The following JAK1 variants were observed in gnomAD, a reference collection of about 807,000 sequenced individuals.
The protein encoded by JAK1 is Janus kinase 1.
A neutral mutation model predicts 136.6 loss-of-function variants in JAK1; 16 were observed. The ratio of observed to expected loss-of-function variants is 0.12; its 90% CI spans 0.08 to 0.18. JAK1 has a LOEUF of 0.18. Ranked by LOEUF, JAK1 falls within the 10% of genes least tolerant of loss-of-function variation. JAK1 has a pLI of 1.00. For missense variants in JAK1, 859 were observed against 1,450.1 expected, an observed-to-expected ratio of 0.59 and a Z score of 6.62; for synonymous variants, 492 against 519.5, an observed-to-expected ratio of 0.95 and a Z score of 0.72.
intron 2 of JAK1, among the ~76,000 whole-genome samples, chr1:65,025,753 C>T (rs1380586466): frequency 6.6e-6 from 1 of 152,198 alleles, no homozygotes. Context: ...TCACAGCTCA[C>T]TGTAGCCTCG....
At chr1:64,888,967 T>G (rs888335204) in intron 1 of JAK1, among the ~76,000 whole-genome samples, 1 of 152,254 alleles carries the variant, frequency 6.6e-6, no homozygotes, top group Admixed American at 6.5e-5. Context: ...CTAAGCACTT[T>G]AAACCTAAGG....
At chr1:64,977,188 C>T (rs1013265952) in intron 2 of JAK1, among the ~76,000 whole-genome samples, 7 of 152,002 alleles carry the variant, frequency 4.6e-5, no homozygotes, top group Admixed American at 1.3e-4. Context: ...CTCCCTCTGT[C>T]GCCCAAGCTG....
At chr1:64,965,845 G>T (rs1422208065) in intron 1 of JAK1, among the ~76,000 whole-genome samples, 1 of 151,972 alleles carries the variant, frequency 6.6e-6, no homozygotes, top group Non-Finnish European at 1.5e-5. Context: ...AGACCGCAAG[G>T]AAGGAAAAAA....
rs777409224 is a variant in JAK1, at chr1:64,886,311, C to T, written c.-47G>A. ...TCCAAGAAGCAAACTGGATTTTCTT[C>T]TCTACTTTCCAAAGCTACTTCAGAG... On this transcript the variant is annotated 5_prime_UTR_variant, in exon 2 of 25. Transcript: ENST00000342505. 21 of 1,584,892 alleles carry T rather than the reference C, an allele frequency of 1.3e-5. No homozygotes were observed. The East Asian group carries it at 4.8e-4, about 37-fold the overall frequency.
At chr1:64,874,235 G>C (rs983788446) in intron 4 of JAK1, among the ~76,000 whole-genome samples, 5 of 152,108 alleles carry the variant, frequency 3.3e-5, no homozygotes, top group Non-Finnish European at 7.4e-5. Context: ...TACTACAGTT[G>C]ACCCTTGAAC....
chr1:64,929,924 A>C (rs939240956), intron 1 of JAK1, among the ~76,000 whole-genome samples: 2 of 152,228 alleles, frequency 1.3e-5, no homozygotes, highest in Non-Finnish European at 2.9e-5. Flanking sequence ...CTAAACAAGC[A>C]ATGGGGAAAG....
At chr1:64,918,821 TAACA>T (rs1173812528) in intron 1 of JAK1, 2 of 153,024 alleles carry the variant, frequency 1.3e-5, no homozygotes, top group African/African-American at 4.8e-5. Context: ...GAGATTACAT[TAACA>T]AATAACTGAA....
intron 11 of JAK1, among the ~76,000 whole-genome samples, chr1:64,852,926 A>G (rs557832744): frequency 2.0e-5 from 3 of 152,208 alleles, no homozygotes; most frequent in Non-Finnish European, 2.9e-5. Context: ...AGGGTTCTGG[A>G]GTGGGAGATG....
chr1:64,892,239 T>C (rs1467497886), intron 1 of JAK1, among the ~76,000 whole-genome samples: 1 of 150,890 alleles, frequency 6.6e-6, no homozygotes, highest in African/African-American at 2.4e-5. Flanking sequence ...ACTCAAAACA[T>C]GGCGGGGTGG....
upstream of JAK1, among the ~76,000 whole-genome samples, chr1:64,967,476 C>T (rs1485375187): frequency 2.0e-5 from 3 of 152,188 alleles, no homozygotes; most frequent in Non-Finnish European, 4.4e-5. Flanking sequence ...TTAAAACACT[C>T]CAGCGACTTC....
At chr1:64,958,558 CT>C (rs1646231095) in intron 1 of JAK1, among the ~76,000 whole-genome samples, 1 of 152,158 alleles carries the variant, frequency 6.6e-6, no homozygotes, top group South Asian at 2.1e-4. Context: ...GTACTTCTTT[CT>C]TTATAATATA....
intron 2 of JAK1, among the ~76,000 whole-genome samples, chr1:65,002,755 G>A (rs1433513860): frequency 6.6e-6 from 1 of 152,194 alleles, no homozygotes; most frequent in Non-Finnish European, 1.5e-5. Flanking sequence ...GAAAGCGCGA[G>A]CCCGGACTTC....
At chr1:64,890,778 G>C (rs1278453305) in intron 1 of JAK1, among the ~76,000 whole-genome samples, 1 of 152,198 alleles carries the variant, frequency 6.6e-6, no homozygotes, top group Non-Finnish European at 1.5e-5. Flanking sequence ...GAAGAGCAAA[G>C]TCTAAATAGG....
At chr1:64,896,778 G>A (rs1645020257) in intron 1 of JAK1, among the ~76,000 whole-genome samples, 1 of 152,192 alleles carries the variant, frequency 6.6e-6, no homozygotes, top group Non-Finnish European at 1.5e-5. Flanking sequence ...GTCTAAGAGT[G>A]GGGCTGGTGT....
intron 6 of JAK1, among the ~76,000 whole-genome samples, chr1:64,867,808 T>G (rs1324523615): frequency 6.6e-6 from 1 of 152,044 alleles, no homozygotes; most frequent in Non-Finnish European, 1.5e-5. Context: ...TTGACCAACA[T>G]GGAGAAACCC....
At chr1:64,940,249 C>T (rs1279559583) in intron 1 of JAK1, among the ~76,000 whole-genome samples, 1 of 152,024 alleles carries the variant, frequency 6.6e-6, no homozygotes. Flanking sequence ...CATAACTCAA[C>T]AGACCTGCAG....
intron 1 of JAK1, among the ~76,000 whole-genome samples, chr1:65,056,425 C>A (rs1164856462): frequency 6.6e-6 from 1 of 152,136 alleles, no homozygotes; most frequent in Admixed American, 6.5e-5. Flanking sequence ...ACTGCAATCA[C>A]CAGCAAAGGA....
chr1:65,045,770 C>CT (rs1448063105), intron 1 of JAK1, among the ~76,000 whole-genome samples: 2 of 152,316 alleles, frequency 1.3e-5, no homozygotes, highest in African/African-American at 4.8e-5. Flanking sequence ...AAATATCTCT[C>CT]TTGCAAGTTT....
At chr1:65,054,422 T>C (rs1647434069) in intron 1 of JAK1, among the ~76,000 whole-genome samples, 1 of 152,140 alleles carries the variant, frequency 6.6e-6, no homozygotes, top group Admixed American at 6.5e-5. Context: ...TTTATATATA[T>C]GATTTCCCTA....
Sources: allele counts gnomAD v4.1 joint callset (sites outside exome capture counted in the v4.1 genomes callset), GRCh38; gene constraint gnomAD v4.1.1; transcripts MANE v1.5; gene names NCBI Gene and HGNC (gene_info 2026-07-23, HGNC 2026-07-21).